TECTA: variants seen among roughly 807,000 people sequenced by gnomAD.
The protein encoded by TECTA is alpha-tectorin.
A neutral mutation model predicts 216.8 loss-of-function variants in TECTA; 128 were observed. The observed-to-expected ratio is 0.59, with a 90% CI of 0.51 to 0.68. TECTA has a LOEUF of 0.68. Ranked by LOEUF, TECTA falls within the 30% of genes least tolerant of loss-of-function variation. The probability of loss-of-function intolerance (pLI) is 0.00; values close to 1 mark genes in which losing one functional copy is unlikely to be tolerated. For missense variants in TECTA, 2,551 were observed against 2,786.2 expected, an observed-to-expected ratio of 0.92 and a Z score of 1.90; for synonymous variants, 1,089 against 1,117.1, an observed-to-expected ratio of 0.97 and a Z score of 0.50.
chr11:121,142,360 T>C (rs1946792505), intron 11 of TECTA, among the ~76,000 whole-genome samples: 1 of 152,150 alleles, frequency 6.6e-6, no homozygotes, highest in Non-Finnish European at 1.5e-5. Context: ...GCTCCCTCTT[T>C]TCCTCCATTT....
chr11:121,118,210 ATT>A, intron 6 of TECTA, 94 bp from the exon 7 acceptor site: 1 of 1,500,156 alleles, frequency 6.7e-7, no homozygotes, highest in Non-Finnish European at 9.1e-7. Context: ...TCTTACGTGG[ATT>A]AAATGGTATA....
chr11:121,152,815 GC>G, intron 12 of TECTA, 65 bp from the exon 13 acceptor site: 2 of 1,524,148 alleles, frequency 1.3e-6, no homozygotes, highest in Non-Finnish European at 1.8e-6. Flanking sequence ...GTGAGCAATG[GC>G]CATGAGAAAA....
intron 13 of TECTA, among the ~76,000 whole-genome samples, chr11:121,155,910 A>G (rs919883638): frequency 2.0e-5 from 3 of 152,228 alleles, no homozygotes; most frequent in Non-Finnish European, 4.4e-5. Context: ...GGGAAAAAGT[A>G]GAAAATAACA....
At chr11:121,168,987 T>A (rs1947084806) in intron 20 of TECTA, 62 bp downstream of exon 20, 2 of 1,612,528 alleles carry the variant, frequency 1.2e-6, no homozygotes, top group Admixed American at 3.3e-5. Flanking sequence ...TCCTCATCAT[T>A]TTTTAAGGAA....
Position 121,127,668 on chromosome 11 carries a change from C to T in TECTA, c.1775-84C>T. The T allele has an allele frequency of 1.3e-6, 2 of 1,497,910 alleles. No homozygotes were observed. The highest frequency in any genetic ancestry group is 1.9e-6 in the Non-Finnish European group (2 of 1,075,278). 92.8% of individuals were successfully genotyped at this position (1,497,910 alleles called of 1,614,324 possible). On this transcript the variant is annotated intron_variant, in intron 8 of 23. Transcript: ENST00000392793. The surrounding 1 kb of genome is among the most constrained non-coding windows in gnomAD (Gnocchi z 5.0). ...ACCCTCACTCTAGGAACTAAATGAT[C>T]CAGGAGGAGCGTTAAGATTCTGGCG...
Position 121,101,425 on chromosome 11 carries a change from C to G in TECTA, c.-19C>G, listed in dbSNP as rs1263637571. The G allele has an allele frequency of 5.3e-5, 8 of 152,172 alleles. No homozygotes were observed. The highest frequency in any genetic ancestry group is 1.0e-4 in the Non-Finnish European group (7 of 68,026). 9.4% of individuals were successfully genotyped at this position (152,172 alleles called of 1,614,324 possible). ...GCTTAATATTTCTGACTCAGTTCCT[C>G]CAGCCTCTACAGAACAGGTTAGTGA... On this transcript the variant is annotated 5_prime_UTR_variant, in exon 1 of 24. Transcript: ENST00000392793.
rs145185340 is a variant in TECTA, at chr11:121,112,672, G to A, written c.487-400G>A. On this transcript the variant is annotated intron_variant, in intron 4 of 23. Transcript: ENST00000392793. The stretch of plus-strand genomic sequence containing the variant: ...TGGTATCTGCTCCCTCTTCCAACCC[G>A]CTCTGCAAGGGGAACCGGTGGTTGC... Among the ~76,000 whole-genome samples, 302 of 152,244 alleles carry A rather than the reference G, an allele frequency of 2.0e-3. 4 individuals are homozygous for A. The highest frequency in any genetic ancestry group is 6.8e-3 in the African/African-American group (283 of 41,544).
intron 11 of TECTA, among the ~76,000 whole-genome samples, chr11:121,145,164 G>T (rs182930522): frequency 4.3e-4 from 65 of 152,300 alleles, no homozygotes; most frequent in African/African-American, 1.2e-3. Flanking sequence ...TTAGTACACT[G>T]GGGCTTGCCT....
intron 12 of TECTA, among the ~76,000 whole-genome samples, chr11:121,146,499 C>T (rs928341140): frequency 5.9e-5 from 9 of 152,154 alleles, no homozygotes; most frequent in East Asian, 1.9e-4. Context: ...GTTAATAATC[C>T]GCATGCTTTG....
chr11:121,148,219 A>T (rs1946858169), intron 12 of TECTA, among the ~76,000 whole-genome samples: 1 of 152,080 alleles, frequency 6.6e-6, no homozygotes, highest in Admixed American at 6.6e-5. Context: ...GACTTCTACC[A>T]GCTTCCCACC....
In TECTA at chr11:121,137,806, C is replaced by T; in HGVS notation, c.3327C>T (p.Leu1109=). 1 of 1,613,450 alleles carries T rather than the reference C, an allele frequency of 6.2e-7. No individual in the cohort carries two copies. The change falls in exon 11 of 24, where the codon CTC becomes CTT. Residue 1109 remains leucine, a synonymous_variant. Transcript: ENST00000392793. The stretch of plus-strand genomic sequence containing the variant: ...TCGTCTCAGGCTACGGCCACTACCT[C>T]ACCTTTGATGGCTTCCCCTTTGACT... ...SCIVSGYGHY[L]TFDGFPFDFQ...
chr11:121,128,181 TCTC>T lies in TECTA; in HGVS notation c.2207_2209del (p.Ser736del), dbSNP rs1490180259. Reference sequence around the variant, plus strand: ...GCCTCCTACGCCTTCCCCTCCGAGTTCTCCTACACCCTCCTGAAGACCTGCCCT... The same window carrying T: ...GCCTCCTACGCCTTCCCCTCCGAGTTCTACACCCTCCTGAAGACCTGCCCT... On this transcript the variant is annotated inframe_deletion, in exon 9 of 24. Coordinates refer to ENST00000392793, the MANE Select transcript of TECTA (RefSeq NM_005422.4). The T allele has an allele frequency of 4.4e-6, 7 of 1,608,846 alleles. No homozygotes were observed. The highest frequency in any genetic ancestry group is 5.9e-6 in the Non-Finnish European group (7 of 1,179,974).
At chr11:121,151,579 A>T (rs1429744171) in intron 12 of TECTA, among the ~76,000 whole-genome samples, 1 of 152,228 alleles carries the variant, frequency 6.6e-6, no homozygotes, top group Non-Finnish European at 1.5e-5. Flanking sequence ...TGCATAGAAC[A>T]CTTCTGGAAA....
chr11:121,179,634 T>C (rs191420285), intron 20 of TECTA, among the ~76,000 whole-genome samples: 37 of 152,286 alleles, frequency 2.4e-4, no homozygotes, highest in Non-Finnish European at 4.1e-4. Flanking sequence ...TCCCCAATTT[T>C]CTTTACTTTG....
At position 121,113,460 on chromosome 11, in the gene TECTA, A is replaced by G; in HGVS notation, c.625-93A>G. Reference sequence around the variant, plus strand: ...CCAGGAAAAGACGGCTCTTGATTTTAGAGGTGCTGGATTTTAAAAATAAGG... The same window carrying G: ...CCAGGAAAAGACGGCTCTTGATTTTGGAGGTGCTGGATTTTAAAAATAAGG... On this transcript the variant is annotated intron_variant, in intron 5 of 23. Coordinates refer to ENST00000392793, the MANE Select transcript of TECTA (RefSeq NM_005422.4). The surrounding 1 kb of genome is among the most constrained non-coding windows in gnomAD (Gnocchi z 4.2). 1 of 1,556,688 alleles carries G rather than the reference A, an allele frequency of 6.4e-7. No individual in the cohort carries two copies. The highest frequency in any genetic ancestry group is 1.7e-4 in the Middle Eastern group (1 of 5,940).
intron 10 of TECTA, among the ~76,000 whole-genome samples, chr11:121,131,213 CAAAAAAAAAA>C (rs10683692): frequency 2.8e-5 from 2 of 70,832 alleles, no homozygotes; most frequent in African/African-American, 1.2e-4. Flanking sequence ...GACTCCATCT[CAAAAAAAAAA>C]AAAAAAAAAA....
rs568282338 is a variant in TECTA, at chr11:121,114,537, G to T, written c.790+819G>T. ...ACAGAAATTAGAAGAAGGAAATAAT[G>T]CCTCTGTTCATTAGTCCATCCACCC... On this transcript the variant is annotated intron_variant, in intron 6 of 23. Transcript: ENST00000392793. Among the ~76,000 whole-genome samples, 245 of 149,868 alleles carry T rather than the reference G, an allele frequency of 1.6e-3. 2 individuals carry two copies. The highest frequency in any genetic ancestry group is 4.4e-3 in the African/African-American group (175 of 40,086).
At position 121,109,747 on chromosome 11, in the gene TECTA, A is replaced by C. The variant is rs1264757410; in HGVS notation, c.486+249A>C. 1.4e-5 allele frequency: 7 copies of C among 483,866 alleles called. No homozygotes were observed. In the Admixed American group the frequency reaches 1.7e-4, roughly 12 times the overall value. 30.0% of individuals were successfully genotyped at this position (483,866 alleles called of 1,614,324 possible). A position where few individuals can be genotyped will look rare whatever the true frequency, so the allele number is the denominator to read the frequency against. On this transcript the variant is annotated intron_variant, in intron 4 of 23. Transcript: ENST00000392793. ...AATCATCACTAATGCCTAAAAAAAA[A>C]CCCTCAAAAACTTTCCTGCTGTAAG...
chr11:121,113,100 C>G lies in TECTA; in HGVS notation c.515C>G (p.Ser172Cys), dbSNP rs751017688. ...PVNTFQAVLV[S>C]DGSYTFTLFN... Reference sequence around the variant, plus strand: ...AACACCTTCCAGGCCGTCCTAGTGTCCGATGGCTCCTATACATTCACCCTC... The same window carrying G: ...AACACCTTCCAGGCCGTCCTAGTGTGCGATGGCTCCTATACATTCACCCTC... The change falls in exon 5 of 24, where the codon TCC becomes TGC. Residue 172 changes from serine to cysteine, a missense_variant. By Grantham distance (112) the Ser-to-Cys change is moderately radical (BLOSUM62 -1). This residue lies in a region of TECTA where 2,375 missense variants were observed against 2,563.9 expected (regional missense o/e 0.93). Transcript: ENST00000392793. This position sits in a 1 kb window ranked among gnomAD's most constrained non-coding sequence, Gnocchi z 4.2. The G allele has an allele frequency of 1.2e-6, 2 of 1,614,152 alleles. No homozygotes were observed. Among genetic ancestry groups the G allele is most frequent in the Non-Finnish European group, 1.7e-6 (2 of 1,180,032 alleles).
Sources: gnomAD v4.1 joint callset for allele counts (sites outside exome capture counted in the v4.1 genomes callset) on GRCh38, gnomAD v4.1.1 for gene constraint, gnomAD v4.1.1 regional missense constraint, Gnocchi (gnomAD v3.1) non-coding constraint, MANE v1.5 for transcripts, NCBI Gene and HGNC (gene_info 2026-07-23, HGNC 2026-07-21) for gene names.